Variants in TBC1D16 observed in about 807,000 individuals in gnomAD.
TBC1D16 encodes the protein TBC1 domain family member 16.
In TBC1D16, 58 loss-of-function variants were observed where a neutral mutation model predicts 74.7. That is an observed-to-expected ratio of 0.78 (90% CI 0.63 to 0.97). The LOEUF is 0.97. Ranked by LOEUF, TBC1D16 falls within the 50% of genes least tolerant of loss-of-function variation. The pLI is 0.00. For synonymous variants in TBC1D16, 493 were observed against 474.7 expected (o/e 1.04, Z -0.50); for missense variants, 1,014 against 1,079.5 (o/e 0.94, Z 0.85).
intron 1 of TBC1D16, among the ~76,000 whole-genome samples, chr17:80,028,930 C>A (rs893336667): frequency 1.3e-5 from 2 of 152,130 alleles, no homozygotes. Flanking sequence ...GATTTCTGTG[C>A]TGCTCAAAGC....
In TBC1D16 at chr17:79,983,990, C is replaced by T. The variant is rs1188880119; in HGVS notation, c.779+26170G>A. Among the ~76,000 whole-genome samples, 1 of 148,064 alleles carries T rather than the reference C, an allele frequency of 6.8e-6. No homozygotes were observed. Among genetic ancestry groups the T allele is most frequent in the Non-Finnish European group, 1.5e-5 (1 of 67,594 alleles). The stretch of plus-strand genomic sequence containing the variant: ...TAAGGGATCCTCCCTCCTCAGCCTC[C>T]CTGAGTAGCTGGGACTACAGGCAGG... On this transcript the variant is annotated intron_variant, in intron 3 of 11. Coordinates refer to ENST00000310924, the MANE Select transcript of TBC1D16 (RefSeq NM_019020.4). This position sits in a 1 kb window ranked among gnomAD's most constrained non-coding sequence, Gnocchi z 5.6.
At chr17:79,960,809 A>AAAAAAAAAAAAAAAAAC (rs2033576160) in intron 3 of TBC1D16, among the ~76,000 whole-genome samples, 5 of 136,146 alleles carry the variant, frequency 3.7e-5, no homozygotes, top group Non-Finnish European at 7.9e-5. Context: ...AAAAAAAAAA[A>AAAAAAAAAAAAAAAAAC]CGAAGGAATG....
rs1388213207 is a variant in TBC1D16, at chr17:79,961,061, G to A, written c.780-8243C>T. On this transcript the variant is annotated intron_variant, in intron 3 of 11. Transcript: ENST00000310924. The surrounding 1 kb of genome is among the most constrained non-coding windows in gnomAD (Gnocchi z 4.8). ...GTTTTATTCATCATTGCAGAAAACA[G>A]GAAATGACACAAACGTCTTTCAGCT... 6.6e-6 allele frequency among the ~76,000 whole-genome samples: 1 copy of A among 152,154 alleles called. No individual in the cohort carries two copies. The highest frequency in any genetic ancestry group is 1.5e-5 in the Non-Finnish European group (1 of 68,028).
At chr17:79,997,986 G>A (rs1220170483) in intron 3 of TBC1D16, among the ~76,000 whole-genome samples, 2 of 152,130 alleles carry the variant, frequency 1.3e-5, no homozygotes, top group Non-Finnish European at 2.9e-5. Flanking sequence ...TTAGCTGGGT[G>A]TGGTGGCGGG....
At position 80,010,457 on chromosome 17, in the gene TBC1D16, T is replaced by A. The variant is rs1180309213; in HGVS notation, c.482A>T (p.Glu161Val). ...RMLASPAPED[E>V]EKLAQGLGVD... Reference sequence around the variant, plus strand: ...CCCCAAGCCCTGCGCCAGCTTCTCCTCATCCTCTGGCGCAGGGCTGGCGAG... The same window carrying A: ...CCCCAAGCCCTGCGCCAGCTTCTCCACATCCTCTGGCGCAGGGCTGGCGAG... The change falls in exon 3 of 12, where the codon GAG becomes GTG. Residue 161 changes from glutamate to valine, a missense_variant. Coordinates refer to ENST00000310924, the MANE Select transcript of TBC1D16 (RefSeq NM_019020.4). This position sits in a 1 kb window ranked among gnomAD's most constrained non-coding sequence, Gnocchi z 8.8. The A allele has an allele frequency of 6.8e-6, 11 of 1,609,548 alleles. No individual in the cohort carries two copies. The South Asian group carries it at 1.2e-4, about 18-fold the overall frequency.
rs780715764 is a variant in TBC1D16, at chr17:80,008,933, T to C, written c.779+1227A>G. Among the ~76,000 whole-genome samples, 15 of 152,208 alleles carry C rather than the reference T, an allele frequency of 9.9e-5. No individual in the cohort carries two copies. Among genetic ancestry groups the C allele is most frequent in the Non-Finnish European group, 1.9e-4 (13 of 68,028 alleles). ...GCTTAATCGGCCTGGGGTGACCTTT[T>C]ATGCTGCAGCCCTGGGGCAGACCCA... On this transcript the variant is annotated intron_variant, in intron 3 of 11. Coordinates refer to ENST00000310924, the MANE Select transcript of TBC1D16 (RefSeq NM_019020.4). This position sits in a 1 kb window ranked among gnomAD's most constrained non-coding sequence, Gnocchi z 4.5.
Position 79,983,015 on chromosome 17 carries a change from CTG to C in TBC1D16, c.779+27143_779+27144del, listed in dbSNP as rs1046248147. ...CGTCATCCACGTTTGTGCGGAATCC[CTG>C]TGTGTGTGCACACGCATCCACCCCG... is the stretch of plus-strand genomic sequence containing the variant. On this transcript the variant is annotated intron_variant, in intron 3 of 11. Transcript: ENST00000310924. This position sits in a 1 kb window ranked among gnomAD's most constrained non-coding sequence, Gnocchi z 5.6. 3.3e-5 allele frequency among the ~76,000 whole-genome samples: 5 copies of C among 152,220 alleles called. No individual in the cohort carries two copies. Among genetic ancestry groups the C allele is most frequent in the Non-Finnish European group, 2.9e-5 (2 of 68,040 alleles).
At chr17:79,999,915 G>A (rs1381363244) in intron 3 of TBC1D16, among the ~76,000 whole-genome samples, 6 of 151,982 alleles carry the variant, frequency 3.9e-5, no homozygotes, top group South Asian at 4.2e-4. Flanking sequence ...TGTCTTTGCC[G>A]GGGCCCCAGC....
intron 1 of TBC1D16, among the ~76,000 whole-genome samples, chr17:80,027,615 G>T (rs1450649543): frequency 6.6e-6 from 1 of 151,414 alleles, no homozygotes; most frequent in African/African-American, 2.4e-5. Flanking sequence ...AAAAGAGGCC[G>T]GGTGCAGTAG....
In TBC1D16 at chr17:79,944,776, C is replaced by T. The variant is rs2032362528; in HGVS notation, c.1908+132G>A. On this transcript the variant is annotated intron_variant, in intron 10 of 11. Transcript: ENST00000310924. The surrounding 1 kb of genome is among the most constrained non-coding windows in gnomAD (Gnocchi z 7.7). ...CAGCCACGTGGGACGGGAAGGCAGTCGCCGTATGGGGGGCTAATGTGTGGC... is the reference window on the plus strand; with the variant it reads ...CAGCCACGTGGGACGGGAAGGCAGTTGCCGTATGGGGGGCTAATGTGTGGC... 7.3e-6 allele frequency: 6 copies of T among 827,336 alleles called. No homozygotes were observed. The highest frequency in any genetic ancestry group is 3.7e-5 in the South Asian group (2 of 54,472). 51.2% of individuals were successfully genotyped at this position (827,336 alleles called of 1,614,324 possible).
chr17:80,033,352 TTTG>T (rs138650758), intron 1 of TBC1D16, among the ~76,000 whole-genome samples: 1 of 151,648 alleles, frequency 6.6e-6, no homozygotes, highest in South Asian at 2.1e-4. Context: ...TTGTTGTTGT[TTTG>T]TTGTTGTTGT....
rs1379840148 is a variant in TBC1D16 at position 79,990,028 on chromosome 17, A to G, written c.779+20132T>C. On this transcript the variant is annotated intron_variant, in intron 3 of 11. Transcript: ENST00000310924. The surrounding 1 kb of genome is among the most constrained non-coding windows in gnomAD (Gnocchi z 4.8). Reference sequence around the variant, plus strand: ...CCAGTTCCCAGAAGACAACAGGGAGAGTCTATTTTTCTAAGCTCACTAGGT... The same window carrying G: ...CCAGTTCCCAGAAGACAACAGGGAGGGTCTATTTTTCTAAGCTCACTAGGT... Among the ~76,000 whole-genome samples, 1 of 152,048 alleles carries G rather than the reference A, an allele frequency of 6.6e-6. No individual in the cohort carries two copies. The highest frequency in any genetic ancestry group is 1.5e-5 in the Non-Finnish European group (1 of 68,008).
Position 79,944,900 on chromosome 17 carries a change from C to A in TBC1D16, c.1908+8G>T, listed in dbSNP as rs1427794718. The A allele has an allele frequency of 6.5e-7, 1 of 1,548,300 alleles. No individual in the cohort carries two copies. The highest frequency in any genetic ancestry group is 8.7e-7 in the Non-Finnish European group (1 of 1,146,358). On this transcript the variant is annotated splice_region_variant and intron_variant, in intron 10 of 11. Transcript: ENST00000310924. This position sits in a 1 kb window ranked among gnomAD's most constrained non-coding sequence, Gnocchi z 7.7. ...AACCTCCCCAGCCCTGGCCCCTGCC[C>A]TGGTCACCTGGTAGTGGGCCCAGCA...
Position 79,944,737 on chromosome 17 carries a change from G to A in TBC1D16, c.1908+171C>T, listed in dbSNP as rs181120103. 1.1e-4 allele frequency among the ~76,000 whole-genome samples: 17 copies of A among 152,330 alleles called. No homozygotes were observed. The highest frequency in any genetic ancestry group is 7.2e-4 in the Admixed American group (11 of 15,302). ...ATTTCAGTGACTGGGGAGGCGAGCT[G>A]TAAGGTCTGAAGCCAGCCACGTGGG... On this transcript the variant is annotated intron_variant, in intron 10 of 11. Transcript: ENST00000310924. This position sits in a 1 kb window ranked among gnomAD's most constrained non-coding sequence, Gnocchi z 7.7.
At chr17:80,018,556 A>G (rs919389672) in intron 1 of TBC1D16, among the ~76,000 whole-genome samples, 1 of 149,694 alleles carries the variant, frequency 6.7e-6, no homozygotes, top group African/African-American at 2.6e-5. Context: ...TGCTGGGATT[A>G]CAGGCGTGAG....
intron 1 of TBC1D16, among the ~76,000 whole-genome samples, chr17:80,015,809 G>A (rs1156275507): frequency 6.6e-6 from 1 of 152,026 alleles, no homozygotes; most frequent in African/African-American, 2.4e-5. Flanking sequence ...TCAGGAGTTC[G>A]AGATCAGCCT....
chr17:79,956,529 C>T lies in TBC1D16; in HGVS notation c.780-3711G>A, dbSNP rs931402733. ...TTGGCCTCCCAAAGTGCTGGGACTACAGGCGTGAGCCACCACGCTGGGCCC... is the reference window on the plus strand; with the variant it reads ...TTGGCCTCCCAAAGTGCTGGGACTATAGGCGTGAGCCACCACGCTGGGCCC... On this transcript the variant is annotated intron_variant, in intron 3 of 11. Coordinates refer to ENST00000310924, the MANE Select transcript of TBC1D16 (RefSeq NM_019020.4). The surrounding 1 kb of genome is among the most constrained non-coding windows in gnomAD (Gnocchi z 4.0). 6.6e-6 allele frequency among the ~76,000 whole-genome samples: 1 copy of T among 152,184 alleles called. No individual in the cohort carries two copies. Among genetic ancestry groups the T allele is most frequent in the African/African-American group, 2.4e-5 (1 of 41,456 alleles).
In TBC1D16 at chr17:80,010,373, G is replaced by A. The variant is rs143618029; in HGVS notation, c.566C>T (p.Thr189Met). 0.012 allele frequency: 19,114 copies of A among 1,612,082 alleles called. 163 individuals carry two copies. Among genetic ancestry groups the A allele is most frequent in the Non-Finnish European group, 0.015 (17,150 of 1,179,296 alleles). ...PACSPSGILS[T>M]VSPQDVTEEG... ...CTCGGTGACATCCTGCGGACTGACC[G>A]TCGACAAGATCCCGGAGGGGCTGCA... is the stretch of plus-strand genomic sequence containing the variant. Residue 189 changes from threonine to methionine, a missense_variant, in exon 3 of 12, where the codon ACG becomes ATG. Transcript: ENST00000310924. This position sits in a 1 kb window ranked among gnomAD's most constrained non-coding sequence, Gnocchi z 8.8.
At chr17:79,942,887 G>A (rs117453018) in intron 10 of TBC1D16, among the ~76,000 whole-genome samples, 9 of 152,352 alleles carry the variant, frequency 5.9e-5, no homozygotes, top group Non-Finnish European at 1.2e-4. Context: ...TTTAAAGACC[G>A]CCTCACGGGG....
Sources: allele counts gnomAD v4.1 joint callset (sites outside exome capture counted in the v4.1 genomes callset), GRCh38; gene constraint gnomAD v4.1.1; non-coding constraint Gnocchi (gnomAD v3.1); transcripts MANE v1.5; gene names NCBI Gene and HGNC (gene_info 2026-07-23, HGNC 2026-07-21).